Variants in LRP2 observed in about 807,000 individuals in gnomAD.
LRP2 encodes low-density lipoprotein receptor-related protein 2.
A neutral mutation model predicts 531.0 loss-of-function variants in LRP2; 172 were observed. The observed-to-expected ratio is 0.32, with a 90% confidence interval of 0.29 to 0.37. The LOEUF (loss-of-function observed/expected upper bound fraction) is 0.37, where lower values mean the gene tolerates loss of function less well. LRP2 is among the 10% of genes least tolerant of loss of function. The pLI is 1.00. For synonymous variants in LRP2, 1,992 were observed against 2,027.6 expected (o/e 0.98, Z 0.47); for missense variants, 5,167 against 5,868.3 (o/e 0.88, Z 3.90).
At position 169,206,992 on chromosome 2, in the gene LRP2, C is replaced by G; in HGVS notation, c.6728G>C (p.Arg2243Pro). The change falls in exon 39 of 79, where the codon CGA (arginine) becomes CCA (proline). Residue 2243 changes from arginine (R) to proline (P), a missense_variant. By Grantham distance (103) the Arg-to-Pro change is moderately radical (BLOSUM62 -2). Around this residue, in one of 6 missense-constraint regions of LRP2, gnomAD observed 2,811 missense variants for 3,058.0 expected, o/e 0.92. Coordinates refer to ENST00000649046, the MANE Select transcript of LRP2 (RefSeq NM_004525.3). ...IVTPRGLAVD[R>P]SDGYVYWVDD... ...AACCCAATAAACGTAGCCATCACTTCGGTCCACTGCCAAGCCCCGTGGTGT... is the reference window on the plus strand; with the variant it reads ...AACCCAATAAACGTAGCCATCACTTGGGTCCACTGCCAAGCCCCGTGGTGT... 6.2e-7 allele frequency: 1 copy of G among 1,614,222 alleles called. No homozygotes were observed.
At chr2:169,311,559 G>A (rs569149513) in intron 3 of LRP2, among the ~76,000 whole-genome samples, 27 of 152,224 alleles carry the variant, frequency 1.8e-4, no homozygotes, top group Non-Finnish European at 1.6e-4. Flanking sequence ...ACTGTGGTCT[G>A]AGAGACAGTT....
intron 32 of LRP2, among the ~76,000 whole-genome samples, chr2:169,226,123 A>G (rs1689192527): frequency 1.3e-5 from 2 of 152,228 alleles, no homozygotes; most frequent in South Asian, 2.1e-4. Flanking sequence ...TGTGGTTAGA[A>G]GCAGGTAATT....
In LRP2 at chr2:169,244,949, C is replaced by T. The variant is rs763192172; in HGVS notation, c.3191-17G>A. ...AGGTATTATCTACAATAGTAACAAA[C>T]TGGTCATGAAGACATTTGTTTTTAC... On this transcript the variant is annotated splice_polypyrimidine_tract_variant and intron_variant, in intron 21 of 78. Transcript: ENST00000649046. The T allele has an allele frequency of 2.4e-5, 39 of 1,613,964 alleles. No individual in the cohort carries two copies. In the Admixed American group the frequency reaches 2.8e-4, roughly 12 times the overall value.
chr2:169,320,643 A>G, intron 2 of LRP2, 134 bp downstream of exon 2: 1 of 743,496 alleles, frequency 1.3e-6, no homozygotes, highest in South Asian at 1.5e-5. Context: ...TCAACCACAC[A>G]GATCTCAAAA....
At position 169,301,190 on chromosome 2, in the gene LRP2, T is replaced by C. The variant is rs1024049403; in HGVS notation, c.427+6091A>G. On this transcript the variant is annotated intron_variant, in intron 4 of 78. Transcript: ENST00000649046. ...TATTCACACCAAAATCATTCTAATA[T>C]GGTGCTTGAAAAAGCAAAATAATCT... Among the ~76,000 whole-genome samples the C allele has an allele frequency of 5.9e-5, 9 of 152,254 alleles. No individual in the cohort carries two copies. The East Asian group carries it at 1.7e-3, about 29-fold the overall frequency.
intron 45 of LRP2, among the ~76,000 whole-genome samples, chr2:169,197,656 T>C (rs927791603): frequency 6.6e-6 from 1 of 152,248 alleles, no homozygotes; most frequent in Non-Finnish European, 1.5e-5. Flanking sequence ...GTAATTCTTC[T>C]GGTCTATAAG....
At chr2:169,301,302 T>C (rs1220208885) in intron 4 of LRP2, among the ~76,000 whole-genome samples, 1 of 152,070 alleles carries the variant, frequency 6.6e-6, no homozygotes, top group African/African-American at 2.4e-5. Context: ...AATTGCTGCA[T>C]TGTTCTGATG....
In LRP2 at chr2:169,193,668, A is replaced by T. The variant is rs1403863632; in HGVS notation, c.8830+93T>A. Reference sequence around the variant, plus strand: ...ATCAGTGTCCATTCAATTACAGAGAAATCTGCAATCATACTCTCCAAACAC... The same window carrying T: ...ATCAGTGTCCATTCAATTACAGAGATATCTGCAATCATACTCTCCAAACAC... On this transcript the variant is annotated intron_variant, in intron 47 of 78. Transcript: ENST00000649046. The T allele has an allele frequency of 4.0e-6, 6 of 1,488,230 alleles. No individual in the cohort carries two copies. The Admixed American group carries it at 6.7e-5, about 17-fold the overall frequency. The allele number at this position is 1,488,230 out of a possible 1,614,324, so 92.2% of individuals were successfully genotyped here.
At chr2:169,341,963 C>A (rs780913458) in intron 1 of LRP2, among the ~76,000 whole-genome samples, 4 of 152,122 alleles carry the variant, frequency 2.6e-5, no homozygotes, top group Non-Finnish European at 5.9e-5. Context: ...CCAGACAATT[C>A]TTTGTAGTAT....
rs113929367 is a variant in LRP2 at position 169,189,263 on chromosome 2, A to C, written c.9033-998T>G. ...GAAGGCAACAACGGTGAATGTGGTC[A>C]GTTTTACAACTGACCTATAACCAGG... On this transcript the variant is annotated intron_variant, in intron 48 of 78. Coordinates refer to ENST00000649046, the MANE Select transcript of LRP2 (RefSeq NM_004525.3). Among the ~76,000 whole-genome samples the C allele has an allele frequency of 2.5e-4, 38 of 152,346 alleles. 1 individual carries two copies. Among genetic ancestry groups the C allele is most frequent in the African/African-American group, 8.4e-4 (35 of 41,578 alleles).
chr2:169,256,992 CAATT>C, intron 18 of LRP2, 128 bp downstream of exon 18: 1 of 997,212 alleles, frequency 1.0e-6, no homozygotes, highest in South Asian at 1.3e-5. Flanking sequence ...CTCCCATCAC[CAATT>C]AATTATTTAA....
At chr2:169,293,446 C>T (rs557139921) in intron 6 of LRP2, among the ~76,000 whole-genome samples, 62 of 152,188 alleles carry the variant, frequency 4.1e-4, no homozygotes, top group Middle Eastern at 6.8e-3. Flanking sequence ...GAGGCCGAGG[C>T]GGGCGGATCA....
At chr2:169,160,762 T>C (rs1686555496) in intron 63 of LRP2, among the ~76,000 whole-genome samples, 1 of 151,788 alleles carries the variant, frequency 6.6e-6, no homozygotes, top group Non-Finnish European at 1.5e-5. Context: ...CCTATCAGTC[T>C]CTGGGAGTCA....
intron 2 of LRP2, 46 bp from the exon 3 acceptor site, chr2:169,318,930 A>T (rs753544555): frequency 1.9e-6 from 3 of 1,612,212 alleles, no homozygotes; most frequent in Admixed American, 3.3e-5. Context: ...CATCCTCCCC[A>T]TTATACTAGC....
chr2:169,324,653 C>T (rs555461175), intron 1 of LRP2, among the ~76,000 whole-genome samples: 9 of 151,446 alleles, frequency 5.9e-5, no homozygotes, highest in Non-Finnish European at 8.8e-5. Context: ...AAAGAGTAAT[C>T]CTTTCTTCAT....
chr2:169,133,811 T>C (rs1685377322), intron 76 of LRP2, among the ~76,000 whole-genome samples: 1 of 152,132 alleles, frequency 6.6e-6, no homozygotes. Flanking sequence ...TTCTTTACTA[T>C]TCCTTTGCAC....
intron 8 of LRP2, among the ~76,000 whole-genome samples, chr2:169,290,586 G>A (rs1683974219): frequency 6.6e-6 from 1 of 152,076 alleles, no homozygotes; most frequent in Non-Finnish European, 1.5e-5. Context: ...TGCTCTTTCA[G>A]CCTCTGGGTC....
chr2:169,217,387 G>A (rs1000682469), intron 34 of LRP2, among the ~76,000 whole-genome samples: 6 of 151,922 alleles, frequency 3.9e-5, no homozygotes, highest in Admixed American at 2.6e-4. Context: ...GCTCTGCTTC[G>A]ACCAAAACCT....
At chr2:169,190,813 C>T (rs1687804066) in intron 48 of LRP2, among the ~76,000 whole-genome samples, 1 of 152,204 alleles carries the variant, frequency 6.6e-6, no homozygotes, top group African/African-American at 2.4e-5. Context: ...CTGGACTCCC[C>T]TACTTTTGCT....
Sources: gnomAD v4.1 joint callset for allele counts (sites outside exome capture counted in the v4.1 genomes callset) on GRCh38, gnomAD v4.1.1 for gene constraint, gnomAD v4.1.1 regional missense constraint, MANE v1.5 for transcripts, NCBI Gene and HGNC (gene_info 2026-07-23, HGNC 2026-07-21) for gene names.